NFIA: variants seen among roughly 807,000 people sequenced by gnomAD.
NFIA encodes nuclear factor 1 A-type.
In NFIA, 8 loss-of-function variants were observed where a neutral mutation model predicts 62.8. The ratio of observed to expected loss-of-function variants is 0.13; its 90% CI spans 0.07 to 0.23. The LOEUF is 0.23. Among genes scored for constraint, NFIA ranks in the 10% least tolerant of loss-of-function variants. The pLI is 1.00. For missense variants in NFIA, 410 were observed against 642.1 expected (o/e 0.64, Z 3.91); for synonymous variants, 235 against 238.1 (o/e 0.99, Z 0.12).
intron 7 of NFIA, among the ~76,000 whole-genome samples, chr1:61,393,971 A>G (rs963717497): frequency 6.6e-6 from 1 of 152,182 alleles, no homozygotes; most frequent in Non-Finnish European, 1.5e-5. Context: ...TGCATTGTAT[A>G]ATCCAGATTA....
At chr1:61,330,523 A>G (rs1258486514) in intron 3 of NFIA, among the ~76,000 whole-genome samples, 1 of 149,886 alleles carries the variant, frequency 6.7e-6, no homozygotes, top group African/African-American at 2.4e-5. Flanking sequence ...ACCAACATTT[A>G]AGAGGTGGAC....
At chr1:61,081,896 GA>G (rs1314438149), upstream of NFIA, 35 of 1,545,806 alleles carry the variant, frequency 2.3e-5, no homozygotes, top group Non-Finnish European at 2.3e-5. Flanking sequence ...TTCAGTGGGG[GA>G]AAAAAAGTTA....
At chr1:61,287,620 C>T (rs1431730506) in intron 3 of NFIA, among the ~76,000 whole-genome samples, 1 of 151,912 alleles carries the variant, frequency 6.6e-6, no homozygotes, top group Non-Finnish European at 1.5e-5. Context: ...GCCTGGGCAA[C>T]ATGGCAAAAC....
At chr1:61,383,434 G>A in intron 7 of NFIA, 69 bp downstream of exon 7, 1 of 1,592,492 alleles carries the variant, frequency 6.3e-7, no homozygotes, top group South Asian at 1.1e-5. Context: ...AGCAAAATGA[G>A]AAACAATGAG....
chr1:61,188,857 T>C (rs912313917), intron 2 of NFIA, among the ~76,000 whole-genome samples: 1 of 152,234 alleles, frequency 6.6e-6, no homozygotes, highest in African/African-American at 2.4e-5. Flanking sequence ...CTGAGCAAGT[T>C]TTCAGATTCC....
intron 1 of NFIA, among the ~76,000 whole-genome samples, chr1:61,085,104 A>G (rs758284878): frequency 1.3e-5 from 2 of 152,096 alleles, no homozygotes; most frequent in Non-Finnish European, 2.9e-5. Context: ...GAACTTCGGT[A>G]GTTTATTGCT....
intron 3 of NFIA, among the ~76,000 whole-genome samples, chr1:61,294,991 C>T (rs1336748516): frequency 1.3e-5 from 2 of 152,118 alleles, no homozygotes; most frequent in Non-Finnish European, 2.9e-5. Context: ...TACCTGGAGG[C>T]CCCCTGGCTG....
intron 2 of NFIA, among the ~76,000 whole-genome samples, chr1:61,209,150 C>T (rs910353045): frequency 4.6e-5 from 7 of 151,692 alleles, no homozygotes; most frequent in African/African-American, 1.7e-4. Context: ...AGATATTGGT[C>T]TTTTGTATTC....
intron 10 of NFIA, among the ~76,000 whole-genome samples, chr1:61,450,163 A>G (rs947346655): frequency 3.9e-5 from 6 of 152,170 alleles, no homozygotes; most frequent in Admixed American, 2.6e-4. Flanking sequence ...CAGGGACTAT[A>G]TTTTACTCAT....
chr1:61,406,607 AC>A lies in NFIA; in HGVS notation c.1304del (p.Pro435GlnfsTer63). 1 of 1,306,926 alleles carries A rather than the reference AC, an allele frequency of 7.7e-7. No homozygotes were observed. Among genetic ancestry groups the A allele is most frequent in the Non-Finnish European group, 1.0e-6 (1 of 1,003,476 alleles). 81.0% of individuals were successfully genotyped at this position (1,306,926 alleles called of 1,614,324 possible). A position where few individuals can be genotyped will look rare whatever the true frequency, so the allele number is the denominator to read the frequency against. The stretch of plus-strand genomic sequence containing the variant: ...CAAGGTGCACAACCCATTCCTTCCC[AC>A]CCCAATGTTGCCACCGCCACCGCCA... ...QGKVHNPFLP[T>X]PMLPPPPPPP... is the part of the protein sequence containing the mutation. On this transcript the variant is annotated frameshift_variant, in exon 9 of 11. Coordinates refer to ENST00000403491, the MANE Select transcript of NFIA (RefSeq NM_001134673.4). LOFTEE classifies it high-confidence loss of function.
intron 2 of NFIA, among the ~76,000 whole-genome samples, chr1:61,202,804 T>C (rs1652599978): frequency 6.6e-6 from 1 of 152,340 alleles, no homozygotes; most frequent in Non-Finnish European, 1.5e-5. Flanking sequence ...GGGGAGAATA[T>C]TTTAAATGTC....
intron 10 of NFIA, among the ~76,000 whole-genome samples, chr1:61,433,174 C>T (rs1667180483): frequency 6.6e-6 from 1 of 152,190 alleles, no homozygotes; most frequent in Non-Finnish European, 1.5e-5. Context: ...CTCCCTGGCT[C>T]CAGTGGGACT....
At chr1:61,167,794 TTCA>T (rs1188554153) in intron 2 of NFIA, among the ~76,000 whole-genome samples, 1 of 152,212 alleles carries the variant, frequency 6.6e-6, no homozygotes, top group Non-Finnish European at 1.5e-5. Context: ...TTCTTTTAAT[TTCA>T]TTTTCTCTAC....
intron 2 of NFIA, among the ~76,000 whole-genome samples, chr1:61,213,433 A>G (rs899459687): frequency 2.0e-5 from 3 of 152,224 alleles, no homozygotes; most frequent in Non-Finnish European, 2.9e-5. Flanking sequence ...ATGAGCTGAT[A>G]TATGTAACCC....
At chr1:61,167,070 G>A (rs1035230118) in intron 2 of NFIA, among the ~76,000 whole-genome samples, 2 of 152,208 alleles carry the variant, frequency 1.3e-5, no homozygotes. Flanking sequence ...GAACCCAGGA[G>A]GTGGAGGTTG....
chr1:61,400,873 A>C (rs1665524156), intron 7 of NFIA, among the ~76,000 whole-genome samples: 2 of 152,200 alleles, frequency 1.3e-5, no homozygotes, highest in African/African-American at 4.8e-5. Flanking sequence ...GTACAGTAAA[A>C]ACATCCAAGA....
chr1:61,140,962 T>TG (rs1353838073), intron 2 of NFIA, among the ~76,000 whole-genome samples: 1 of 121,300 alleles, frequency 8.2e-6, no homozygotes, highest in African/African-American at 3.0e-5. Flanking sequence ...TAACCACAGC[T>TG]GGGTTTTTTT....
intron 2 of NFIA, among the ~76,000 whole-genome samples, chr1:61,212,244 C>G (rs977156195): frequency 1.3e-5 from 2 of 152,154 alleles, no homozygotes; most frequent in Non-Finnish European, 2.9e-5. Flanking sequence ...TTCACCTTTA[C>G]TCCACTGAAA....
intron 3 of NFIA, among the ~76,000 whole-genome samples, chr1:61,325,932 C>CAAAAAAAAAAA: frequency 1.1e-5 from 1 of 87,910 alleles, no homozygotes; most frequent in Non-Finnish European, 2.1e-5. Context: ...GACTCTGTCT[C>CAAAAAAAAAAA]AAAAAAAAAA....
Sources: gnomAD v4.1 joint callset for allele counts (sites outside exome capture counted in the v4.1 genomes callset) on GRCh38, gnomAD v4.1.1 for gene constraint, MANE v1.5 for transcripts, NCBI Gene and HGNC (gene_info 2026-07-23, HGNC 2026-07-21) for gene names.